Variants in SULT1B1 observed in about 807,000 individuals in gnomAD.
The protein encoded by SULT1B1 is sulfotransferase 1B1.
A neutral mutation model predicts 34.6 loss-of-function variants in SULT1B1; 28 were observed. The observed-to-expected ratio is 0.81, with a 90% CI of 0.60 to 1.11. SULT1B1 has a LOEUF of 1.11. Among genes scored for constraint, SULT1B1 ranks in the 50% least tolerant of loss-of-function variants. The pLI, the probability that SULT1B1 is intolerant of heterozygous loss-of-function variation, is 0.00. For synonymous variants in SULT1B1, 147 were observed against 110.2 expected (o/e 1.33, Z -2.09); for missense variants, 374 against 352.2 (o/e 1.06, Z -0.50).
intron 4 of SULT1B1, among the ~76,000 whole-genome samples, chr4:69,744,470 A>G (rs1205180904): frequency 6.6e-6 from 1 of 151,960 alleles, no homozygotes; most frequent in African/African-American, 2.4e-5. Context: ...CGCTCCTGCC[A>G]CCACCACCCA....
At chr4:69,745,557 T>C (rs945053463) in intron 4 of SULT1B1, among the ~76,000 whole-genome samples, 2 of 152,220 alleles carry the variant, frequency 1.3e-5, no homozygotes, top group African/African-American at 4.8e-5. Context: ...ATTTGCTTGA[T>C]ATATATTTCT....
intron 1 of SULT1B1, among the ~76,000 whole-genome samples, chr4:69,756,249 C>T (rs981427405): frequency 7.2e-5 from 11 of 151,832 alleles, no homozygotes; most frequent in East Asian, 5.8e-4. Context: ...ATTTTTTTCT[C>T]ATTATGGTAG....
Position 69,748,547 on chromosome 4 carries a change from C to T in SULT1B1, c.375+1174G>A, listed in dbSNP as rs181701712. 4.6e-5 allele frequency among the ~76,000 whole-genome samples: 7 copies of T among 152,286 alleles called. 1 individual carries two copies. The highest frequency in any genetic ancestry group is 1.7e-4 in the African/African-American group (7 of 41,574). ...GGATGTAATAAAAATATAGGGAATACATCCACCTACAAAGAAGAATATGCA... is the reference window on the plus strand; with the variant it reads ...GGATGTAATAAAAATATAGGGAATATATCCACCTACAAAGAAGAATATGCA... On this transcript the variant is annotated intron_variant, in intron 4 of 7. Coordinates refer to ENST00000310613, the MANE Select transcript of SULT1B1 (RefSeq NM_014465.4).
chr4:69,739,125 A>C (rs1451834497), intron 4 of SULT1B1, among the ~76,000 whole-genome samples: 2 of 152,094 alleles, frequency 1.3e-5, no homozygotes, highest in African/African-American at 2.4e-5. Context: ...AGCTTTTCCA[A>C]GTGCAAAGTG....
intron 6 of SULT1B1, 44 bp from the exon 7 acceptor site, chr4:69,730,725 C>T: frequency 1.3e-6 from 2 of 1,519,462 alleles, no homozygotes; most frequent in Non-Finnish European, 1.8e-6. Context: ...GTAACTCACA[C>T]AATGTGAATA....
At chr4:69,736,953 C>T (rs1008066856) in intron 4 of SULT1B1, among the ~76,000 whole-genome samples, 3 of 151,492 alleles carry the variant, frequency 2.0e-5, no homozygotes, top group African/African-American at 7.3e-5. Flanking sequence ...GAATTGGTGA[C>T]CAAAAACTTC....
chr4:69,735,422 G>T (rs994462928), intron 4 of SULT1B1, among the ~76,000 whole-genome samples: 13 of 152,182 alleles, frequency 8.5e-5, no homozygotes, highest in African/African-American at 3.1e-4. Context: ...TCCACACCCG[G>T]GTCTCTGTAG....
chr4:69,752,128 G>A (rs1007052618), intron 3 of SULT1B1, among the ~76,000 whole-genome samples: 1 of 152,212 alleles, frequency 6.6e-6, no homozygotes, highest in Non-Finnish European at 1.5e-5. Flanking sequence ...ACAAATGTAA[G>A]ATTAACAACT....
chr4:69,729,398 A>G (rs957624779), intron 7 of SULT1B1, among the ~76,000 whole-genome samples: 3 of 152,030 alleles, frequency 2.0e-5, no homozygotes, highest in African/African-American at 7.2e-5. Flanking sequence ...AATCCCCCAC[A>G]TATAGCAAGG....
intron 6 of SULT1B1, 46 bp from the exon 7 acceptor site, chr4:69,730,727 A>G: frequency 6.6e-7 from 1 of 1,505,540 alleles, no homozygotes; most frequent in Non-Finnish European, 9.1e-7. Context: ...AACTCACACA[A>G]TGTGAATATT....
At position 69,726,626 on chromosome 4, in the gene SULT1B1, C is replaced by T. The variant is rs1358390832; in HGVS notation, c.*462G>A. 2 of 152,112 alleles carry T rather than the reference C, an allele frequency of 1.3e-5. No homozygotes were observed. The highest frequency in any genetic ancestry group is 2.4e-5 in the African/African-American group (1 of 41,406). 9.4% of individuals were successfully genotyped at this position (152,112 alleles called of 1,614,324 possible). A position where few individuals can be genotyped will look rare whatever the true frequency, so the allele number is the denominator to read the frequency against. On this transcript the variant is annotated 3_prime_UTR_variant, in exon 8 of 8. Coordinates refer to ENST00000310613, the MANE Select transcript of SULT1B1 (RefSeq NM_014465.4). ...ATGACTCAGAGAACAACTTGAAACTCGGTAGACAGCAGTGGAACACAGTGT... is the reference window on the plus strand; with the variant it reads ...ATGACTCAGAGAACAACTTGAAACTTGGTAGACAGCAGTGGAACACAGTGT...
At position 69,734,130 on chromosome 4, in the gene SULT1B1, C is replaced by G. The variant is rs1718197060; in HGVS notation, c.502+8G>C. On this transcript the variant is annotated splice_region_variant and intron_variant, in intron 5 of 7. Transcript: ENST00000310613. Reference sequence around the variant, plus strand: ...ATACTTATCAATTTTAAGATAAAGTCCACATACCTTTTCCAGTTAAGAATT... The same window carrying G: ...ATACTTATCAATTTTAAGATAAAGTGCACATACCTTTTCCAGTTAAGAATT... 3 of 1,600,892 alleles carry G rather than the reference C, an allele frequency of 1.9e-6. No homozygotes were observed. The highest frequency in any genetic ancestry group is 2.6e-6 in the Non-Finnish European group (3 of 1,173,190).
chr4:69,739,482 A>G (rs934372824), intron 4 of SULT1B1, among the ~76,000 whole-genome samples: 1 of 152,174 alleles, frequency 6.6e-6, no homozygotes, highest in Non-Finnish European at 1.5e-5. Flanking sequence ...GGCCCCTTTT[A>G]GCCACAGTTG....
Position 69,730,548 on chromosome 4 carries a change from A to G in SULT1B1, c.731T>C (p.Leu244Pro), listed in dbSNP as rs1459069551. Residue 244 changes from leucine to proline, a missense_variant, in exon 7 of 8, where the codon CTA becomes CCA. Coordinates refer to ENST00000310613, the MANE Select transcript of SULT1B1 (RefSeq NM_014465.4). The part of the protein sequence containing the change: ...KDNPLVNYTH[L>P]PTTVMDHSKS... ...GCTATGATCCATCACTGTAGTTGGT[A>G]GATGTGTATAATTTACCAAAGGATT... 6.2e-7 allele frequency: 1 copy of G among 1,612,456 alleles called. No homozygotes were observed. The highest frequency in any genetic ancestry group is 8.5e-7 in the Non-Finnish European group (1 of 1,178,942).
In SULT1B1 at chr4:69,749,793, T is replaced by C. The variant is rs746592363; in HGVS notation, c.303A>G (p.Pro101=). 1.9e-6 allele frequency: 3 copies of C among 1,613,580 alleles called. No individual in the cohort carries two copies. Among genetic ancestry groups the C allele is most frequent in the Non-Finnish European group, 2.5e-6 (3 of 1,179,586 alleles). ...GATGTGTTTTCACAATCCGGGGTGA[T>C]GGATTCTTCTCCAATTGTTCTATAC... ...TSGIEQLEKN[P]SPRIVKTHLP... is the part of the protein sequence containing the mutation. The change falls in exon 4 of 8, where the codon CCA becomes CCG. Residue 101 remains proline, a synonymous_variant. Transcript: ENST00000310613.
chr4:69,723,867 A>C lies in SULT1B1; in HGVS notation c.*3221T>G, dbSNP rs1033993070. On this transcript the variant is annotated 3_prime_UTR_variant, in exon 8 of 8. Coordinates refer to ENST00000310613, the MANE Select transcript of SULT1B1 (RefSeq NM_014465.4). ...TCTCAATAAATTAGGTATTGATGGAATGTATCTCAAAATAAGGAGAGCCCT... is the reference window on the plus strand; with the variant it reads ...TCTCAATAAATTAGGTATTGATGGACTGTATCTCAAAATAAGGAGAGCCCT... The C allele has an allele frequency of 1.3e-5, 2 of 152,228 alleles. No homozygotes were observed. The highest frequency in any genetic ancestry group is 2.9e-5 in the Non-Finnish European group (2 of 68,050). 9.4% of individuals were successfully genotyped at this position (152,228 alleles called of 1,614,324 possible). A position where few individuals can be genotyped will look rare whatever the true frequency, so the allele number is the denominator to read the frequency against.
At chr4:69,727,373 T>C (rs1205707248) in intron 7 of SULT1B1, among the ~76,000 whole-genome samples, 173 bp from the exon 8 acceptor site, 3 of 152,034 alleles carry the variant, frequency 2.0e-5, no homozygotes, top group Non-Finnish European at 2.9e-5. Flanking sequence ...TTTTAAAATT[T>C]GAATAATTTT....
At chr4:69,730,807 G>T in intron 6 of SULT1B1, 126 bp from the exon 7 acceptor site, 3 of 798,138 alleles carry the variant, frequency 3.8e-6, no homozygotes, top group Non-Finnish European at 5.6e-6. Context: ...TATTTGTTTG[G>T]GTTTTTCTCA....
At chr4:69,732,811 T>C (rs1718133524) in intron 6 of SULT1B1, among the ~76,000 whole-genome samples, 1 of 151,706 alleles carries the variant, frequency 6.6e-6, no homozygotes, top group South Asian at 2.1e-4. Context: ...AAAGATACAA[T>C]AGATACACTA....
Sources: gnomAD v4.1 joint callset for allele counts (sites outside exome capture counted in the v4.1 genomes callset) on GRCh38, gnomAD v4.1.1 for gene constraint, MANE v1.5 for transcripts, NCBI Gene and HGNC (gene_info 2026-07-23, HGNC 2026-07-21) for gene names.